The following AGTPBP1 variants were observed in gnomAD, a reference collection of about 807,000 sequenced individuals.
AGTPBP1 encodes ATP/GTP binding carboxypeptidase 1.
In AGTPBP1, 70 loss-of-function variants were observed where a neutral mutation model predicts 143.9. That is an observed-to-expected ratio of 0.49 (90% CI 0.40 to 0.59). The LOEUF is 0.59. AGTPBP1 is among the 20% of genes least tolerant of loss of function. The pLI, the probability that AGTPBP1 is intolerant of heterozygous loss-of-function variation, is 0.00. For missense variants in AGTPBP1, 1,229 were observed against 1,464.5 expected (o/e 0.84, Z 2.62); for synonymous variants, 463 against 500.2 (o/e 0.93, Z 0.99).
intron 15 of AGTPBP1, among the ~76,000 whole-genome samples, chr9:85,619,993 A>C (rs1830821547): frequency 2.0e-5 from 3 of 152,236 alleles, no homozygotes; most frequent in African/African-American, 7.2e-5. Flanking sequence ...AAGAATTATC[A>C]ATGTTGAAAT....
At chr9:85,753,469 T>A in the AGTPBP1 span, 152 of 1,606,892 alleles carry the variant, frequency 9.5e-5, 1 homozygote, top group East Asian at 2.0e-3. Flanking sequence ...ATCTGATGGT[T>A]GTCTAAATAG....
chr9:85,628,710 TTTTG>T (rs372269099), intron 14 of AGTPBP1, among the ~76,000 whole-genome samples: 33 of 152,126 alleles, frequency 2.2e-4, no homozygotes, highest in African/African-American at 7.2e-4. Flanking sequence ...GTTTTTGTTT[TTTTG>T]TTTGTTTCTT....
chr9:85,711,639 C>T (rs1192158720), intron 2 of AGTPBP1, among the ~76,000 whole-genome samples: 1 of 151,938 alleles, frequency 6.6e-6, no homozygotes, highest in African/African-American at 2.4e-5. Flanking sequence ...AGGGTTTCAC[C>T]ATGTTGGCCA....
chr9:85,745,016 A>G (rs934691438), upstream of AGTPBP1, among the ~76,000 whole-genome samples: 1 of 152,248 alleles, frequency 6.6e-6, no homozygotes, highest in Non-Finnish European at 1.5e-5. Context: ...GTTGGACTAT[A>G]TAATGGAATT....
chr9:85,687,361 T>A (rs558577477), intron 3 of AGTPBP1, among the ~76,000 whole-genome samples: 1 of 152,152 alleles, frequency 6.6e-6, no homozygotes, highest in Admixed American at 6.5e-5. Flanking sequence ...AACAACACTA[T>A]CAACTAACCT....
At chr9:85,645,934 A>C (rs1400654937) in intron 12 of AGTPBP1, among the ~76,000 whole-genome samples, 1 of 152,156 alleles carries the variant, frequency 6.6e-6, no homozygotes, top group Non-Finnish European at 1.5e-5. Context: ...TTCTCACAAA[A>C]ACAAATCCAT....
At chr9:85,640,562 T>C (rs1327357241) in intron 13 of AGTPBP1, among the ~76,000 whole-genome samples, 1 of 152,250 alleles carries the variant, frequency 6.6e-6, no homozygotes, top group Non-Finnish European at 1.5e-5. Context: ...AATCTGACCC[T>C]GGCCACACCT....
At chr9:85,640,038 A>G (rs767267835) in intron 13 of AGTPBP1, among the ~76,000 whole-genome samples, 1 of 152,266 alleles carries the variant, frequency 6.6e-6, no homozygotes, top group Non-Finnish European at 1.5e-5. Flanking sequence ...TTAATGGTTG[A>G]TGCTGAAAAT....
At chr9:85,704,278 G>C (rs1219350453) in intron 2 of AGTPBP1, among the ~76,000 whole-genome samples, 1 of 152,064 alleles carries the variant, frequency 6.6e-6, no homozygotes, top group Non-Finnish European at 1.5e-5. Flanking sequence ...AGAGGAGAGA[G>C]AGCTGCACAG....
chr9:85,751,473 C>T, the AGTPBP1 span, among the ~76,000 whole-genome samples: 30 of 152,100 alleles, frequency 2.0e-4, no homozygotes, highest in Middle Eastern at 3.2e-3. Flanking sequence ...CTTTCAATTG[C>T]GTACTTATCC....
chr9:85,616,547 C>A (rs1287457061), intron 17 of AGTPBP1, among the ~76,000 whole-genome samples: 2 of 151,848 alleles, frequency 1.3e-5, no homozygotes, highest in Non-Finnish European at 2.9e-5. Context: ...CTACTTGTAG[C>A]ACTTCTGAAA....
intron 11 of AGTPBP1, among the ~76,000 whole-genome samples, chr9:85,647,141 G>A (rs1832864050): frequency 6.6e-6 from 1 of 152,174 alleles, no homozygotes; most frequent in South Asian, 2.1e-4. Flanking sequence ...GCTGGGCATG[G>A]TGGTGCATGC....
intron 25 of AGTPBP1, among the ~76,000 whole-genome samples, chr9:85,554,910 A>T (rs1486582968): frequency 6.6e-6 from 1 of 152,208 alleles, no homozygotes; most frequent in Admixed American, 6.5e-5. Flanking sequence ...AGAAATGAAA[A>T]ATATATAACT....
At chr9:85,669,689 A>G (rs1330478424) in intron 7 of AGTPBP1, 111 bp from the exon 8 acceptor site, 3 of 622,250 alleles carry the variant, frequency 4.8e-6, no homozygotes, top group Admixed American at 5.4e-5. Flanking sequence ...GTAAATGTCA[A>G]CTCAAGTCAC....
chr9:85,696,290 T>C (rs924432440), intron 2 of AGTPBP1, among the ~76,000 whole-genome samples: 2 of 152,224 alleles, frequency 1.3e-5, no homozygotes, highest in African/African-American at 4.8e-5. Context: ...ATAATGACCT[T>C]GACAGTGTCT....
chr9:85,666,641 T>C (rs1254174186), intron 8 of AGTPBP1, among the ~76,000 whole-genome samples: 3 of 152,112 alleles, frequency 2.0e-5, no homozygotes, highest in Non-Finnish European at 4.4e-5. Flanking sequence ...GTTTTGGATA[T>C]ACCCCATGTG....
At chr9:85,763,175 A>G in the AGTPBP1 span, among the ~76,000 whole-genome samples, 1 of 152,076 alleles carries the variant, frequency 6.6e-6, no homozygotes, top group Non-Finnish European at 1.5e-5. Flanking sequence ...GCAAAAAAAC[A>G]AAAAACAAAC....
chr9:85,738,230 T>C (rs3916183), intron 1 of AGTPBP1, among the ~76,000 whole-genome samples: 8,396 of 152,108 alleles, frequency 0.055, 344 homozygotes, highest in East Asian at 0.21. Context: ...CTTTTAACAA[T>C]GTAAAAGGGT....
At chr9:85,572,319 C>T (rs1407874652) in intron 25 of AGTPBP1, among the ~76,000 whole-genome samples, 1 of 152,012 alleles carries the variant, frequency 6.6e-6, no homozygotes, top group Non-Finnish European at 1.5e-5. Context: ...AGGTGTGAGC[C>T]ACTGCGGCTG....
Sources: gnomAD v4.1 joint callset for allele counts (sites outside exome capture counted in the v4.1 genomes callset) on GRCh38, gnomAD v4.1.1 for gene constraint, MANE v1.5 for transcripts, NCBI Gene and HGNC (gene_info 2026-07-23, HGNC 2026-07-21) for gene names.